The following TTBK2 variants were observed in gnomAD, a reference collection of about 807,000 sequenced individuals.
The protein encoded by TTBK2 is tau tubulin kinase 2.
TTBK2 carries 28 observed loss-of-function variants against 110.8 expected under a neutral mutation model. The ratio of observed to expected loss-of-function variants is 0.25; its 90% CI spans 0.19 to 0.35. TTBK2 has a LOEUF of 0.35. Ranked by LOEUF, TTBK2 falls within the 10% of genes least tolerant of loss-of-function variation. The probability of loss-of-function intolerance (pLI) is 1.00; values close to 1 mark genes in which losing one functional copy is unlikely to be tolerated. For missense variants in TTBK2, 1,369 were observed against 1,500.3 expected, an observed-to-expected ratio of 0.91 and a Z score of 1.45; for synonymous variants, 532 against 527.3, an observed-to-expected ratio of 1.01 and a Z score of -0.12.
In TTBK2 at chr15:42,875,492, C is replaced by T. The variant is rs546059064; in HGVS notation, c.70-2734G>A. 9.2e-5 allele frequency among the ~76,000 whole-genome samples: 14 copies of T among 152,138 alleles called. 2 individuals carry two copies. The highest frequency in any genetic ancestry group is 3.4e-4 in the African/African-American group (14 of 41,500). On this transcript the variant is annotated intron_variant, in intron 2 of 14. Coordinates refer to ENST00000267890, the MANE Select transcript of TTBK2 (RefSeq NM_173500.4). ...CACCAAGAGGTAGAGTCCATTTTCC[C>T]CTTAACTGTTTTCATCAACAGAATA...
intron 1 of TTBK2, among the ~76,000 whole-genome samples, chr15:42,907,007 A>G (rs1167104010): frequency 2.0e-5 from 3 of 151,996 alleles, no homozygotes; most frequent in African/African-American, 7.3e-5. Flanking sequence ...CAACACAATG[A>G]GACCCTGTCT....
intron 13 of TTBK2, among the ~76,000 whole-genome samples, chr15:42,754,085 C>CTTTTTTT (rs68057465): frequency 1.5e-5 from 2 of 132,228 alleles, no homozygotes; most frequent in Non-Finnish European, 3.2e-5. Flanking sequence ...CTAATGTTTT[C>CTTTTTTT]TTTTTTTTTT....
chr15:42,852,105 T>G (rs1893742770), intron 3 of TTBK2, among the ~76,000 whole-genome samples: 1 of 151,906 alleles, frequency 6.6e-6, no homozygotes, highest in South Asian at 2.1e-4. Context: ...AGTCTTACTC[T>G]GTCACCCAGG....
intron 1 of TTBK2, among the ~76,000 whole-genome samples, chr15:42,914,239 G>C (rs1596055761): frequency 6.6e-6 from 1 of 152,150 alleles, no homozygotes. Flanking sequence ...GCCTCCCAAA[G>C]TGCTAGGATT....
At chr15:42,859,894 C>T (rs180828982) in intron 3 of TTBK2, among the ~76,000 whole-genome samples, 31 of 151,232 alleles carry the variant, frequency 2.0e-4, no homozygotes, top group African/African-American at 5.8e-4. Flanking sequence ...TAAGAAAGAA[C>T]GAAAAGAAAA....
intron 1 of TTBK2, among the ~76,000 whole-genome samples, chr15:42,907,197 T>A (rs1252887992): frequency 6.6e-6 from 1 of 152,092 alleles, no homozygotes; most frequent in African/African-American, 2.4e-5. Context: ...GGCAAGGATA[T>A]GGAGAAAGGG....
At chr15:42,844,621 T>A (rs766312718) in intron 3 of TTBK2, among the ~76,000 whole-genome samples, 5 of 152,240 alleles carry the variant, frequency 3.3e-5, no homozygotes, top group African/African-American at 7.2e-5. Context: ...TGCCAGTCTC[T>A]ATATCAAGCA....
At chr15:42,901,860 T>C (rs2030037448) in intron 1 of TTBK2, among the ~76,000 whole-genome samples, 1 of 152,082 alleles carries the variant, frequency 6.6e-6, no homozygotes, top group East Asian at 1.9e-4. Context: ...GATATACAAA[T>C]GGTCAATAAA....
At position 42,825,702 on chromosome 15, in the gene TTBK2, G is replaced by A. The variant is rs531278972; in HGVS notation, c.537+2226C>T. On this transcript the variant is annotated intron_variant, in intron 6 of 14. Transcript: ENST00000267890. ...CGCACTCTGGCCTGGGCGACAGAGCGAGACTCCATCTCGAAAAAATAAAAT... is the reference window on the plus strand; with the variant it reads ...CGCACTCTGGCCTGGGCGACAGAGCAAGACTCCATCTCGAAAAAATAAAAT... Among the ~76,000 whole-genome samples, 22 of 152,244 alleles carry A rather than the reference G, an allele frequency of 1.4e-4. No homozygotes were observed. The East Asian group carries it at 2.5e-3, about 17-fold the overall frequency.
intron 2 of TTBK2, among the ~76,000 whole-genome samples, chr15:42,874,599 G>C (rs1376421536): frequency 6.6e-6 from 1 of 151,804 alleles, no homozygotes; most frequent in Non-Finnish European, 1.5e-5. Context: ...TTCCAGGCGT[G>C]AGCCACCACA....
intron 3 of TTBK2, among the ~76,000 whole-genome samples, chr15:42,865,257 T>C (rs901662226): frequency 5.3e-5 from 8 of 151,928 alleles, no homozygotes; most frequent in African/African-American, 1.9e-4. Context: ...CTGGCCAACA[T>C]GAAACCAGCC....
At chr15:42,918,623 T>C (rs1273489158) in intron 1 of TTBK2, among the ~76,000 whole-genome samples, 5 of 152,212 alleles carry the variant, frequency 3.3e-5, no homozygotes, top group African/African-American at 4.8e-5. Context: ...TTGCCACATT[T>C]TTAGTGCACT....
chr15:42,760,403 A>C (rs1237066499), intron 13 of TTBK2, among the ~76,000 whole-genome samples: 1 of 132,222 alleles, frequency 7.6e-6, no homozygotes, highest in East Asian at 2.1e-4. Flanking sequence ...AAAAAAAAAA[A>C]CAAAAAAAGA....
chr15:42,846,585 T>A (rs976516948), intron 3 of TTBK2, among the ~76,000 whole-genome samples: 1 of 152,212 alleles, frequency 6.6e-6, no homozygotes, highest in African/African-American at 2.4e-5. Context: ...ATGAAATATA[T>A]TTAGTCTCTG....
At chr15:42,817,004 C>T (rs373140373) in intron 7 of TTBK2, 28 bp downstream of exon 7, 1 of 1,555,950 alleles carries the variant, frequency 6.4e-7, no homozygotes, top group South Asian at 1.1e-5. Flanking sequence ...CATACTTATA[C>T]AGATATGACT....
At chr15:42,871,978 G>GAGAATACAA (rs1894633250) in intron 3 of TTBK2, among the ~76,000 whole-genome samples, 1 of 152,126 alleles carries the variant, frequency 6.6e-6, no homozygotes, top group Non-Finnish European at 1.5e-5. Flanking sequence ...TCATTAAGCT[G>GAGAATACAA]AGAATACAAA....
chr15:42,769,463 C>G (rs1183193405), intron 13 of TTBK2, among the ~76,000 whole-genome samples: 1 of 144,054 alleles, frequency 6.9e-6, no homozygotes, highest in East Asian at 1.9e-4. Flanking sequence ...TGAACAGACA[C>G]TTCTCAAAAG....
In TTBK2 at chr15:42,744,842, T is replaced by C. The variant is rs934539405; in HGVS notation, c.*953A>G. 6 of 152,706 alleles carry C rather than the reference T, an allele frequency of 3.9e-5. No individual in the cohort carries two copies. The highest frequency in any genetic ancestry group is 8.8e-5 in the Non-Finnish European group (6 of 68,200). 9.5% of individuals were successfully genotyped at this position (152,706 alleles called of 1,614,324 possible). Reference sequence around the variant, plus strand: ...TGTGCTTCCCTCGTATCATCTTGGATGCTGATATTACAAACAGTTGGAACC... The same window carrying C: ...TGTGCTTCCCTCGTATCATCTTGGACGCTGATATTACAAACAGTTGGAACC... On this transcript the variant is annotated 3_prime_UTR_variant, in exon 15 of 15. Coordinates refer to ENST00000267890, the MANE Select transcript of TTBK2 (RefSeq NM_173500.4).
At position 42,766,104 on chromosome 15, in the gene TTBK2, G is replaced by A. The variant is rs1889359950; in HGVS notation, c.1998+9031C>T. The stretch of plus-strand genomic sequence containing the variant: ...TGTCACCTCCAGGCCTGCCTTACAA[G>A]AGTTCCTGAAAGAAGCACTAAACAT... On this transcript the variant is annotated intron_variant, in intron 13 of 14. Coordinates refer to ENST00000267890, the MANE Select transcript of TTBK2 (RefSeq NM_173500.4). 2.6e-5 allele frequency among the ~76,000 whole-genome samples: 4 copies of A among 152,054 alleles called. No individual in the cohort carries two copies. The South Asian group carries it at 8.3e-4, about 32-fold the overall frequency.
Sources: gnomAD v4.1 joint callset for allele counts (sites outside exome capture counted in the v4.1 genomes callset) on GRCh38, gnomAD v4.1.1 for gene constraint, MANE v1.5 for transcripts, NCBI Gene and HGNC (gene_info 2026-07-23, HGNC 2026-07-21) for gene names.